The following FOXN2 variants were observed in gnomAD, a reference collection of about 807,000 sequenced individuals.
FOXN2 encodes forkhead box protein N2.
Under a neutral mutation model 41.2 loss-of-function variants are expected in FOXN2, and 19 were observed. The observed-to-expected ratio is 0.46, with a 90% CI of 0.32 to 0.68. FOXN2 has a LOEUF of 0.68. Among genes scored for constraint, FOXN2 ranks in the 30% least tolerant of loss-of-function variants. The pLI, the probability that FOXN2 is intolerant of heterozygous loss-of-function variation, is 0.03. For synonymous variants in FOXN2, 195 were observed against 176.8 expected (o/e 1.10, Z -0.82); for missense variants, 587 against 509.4 (o/e 1.15, Z -1.47).
intron 5 of FOXN2, among the ~76,000 whole-genome samples, chr2:48,366,645 C>T (rs1480589744): frequency 4.6e-5 from 7 of 152,138 alleles, no homozygotes; most frequent in African/African-American, 1.7e-4. Context: ...AAGTTGCTTA[C>T]TTGATGCTTT....
At chr2:48,338,105 A>G (rs1029252800) in intron 2 of FOXN2, among the ~76,000 whole-genome samples, 1 of 152,208 alleles carries the variant, frequency 6.6e-6, no homozygotes, top group Non-Finnish European at 1.5e-5. Flanking sequence ...TTGATACCCT[A>G]TACACTGTTA....
intron 5 of FOXN2, among the ~76,000 whole-genome samples, chr2:48,366,444 C>G (rs1276682476): frequency 2.0e-5 from 3 of 151,958 alleles, no homozygotes; most frequent in Admixed American, 1.3e-4. Flanking sequence ...AAAGTTCTCC[C>G]TGGCAGAGAG....
upstream of FOXN2, among the ~76,000 whole-genome samples, chr2:48,313,781 A>T (rs907165798): frequency 2.0e-5 from 3 of 152,188 alleles, no homozygotes; most frequent in African/African-American, 7.2e-5. Context: ...AGTTTCCATG[A>T]GTTAGATAGG....
intron 3 of FOXN2, among the ~76,000 whole-genome samples, chr2:48,349,107 T>C (rs150447026): frequency 1.6e-4 from 25 of 152,304 alleles, no homozygotes; most frequent in African/African-American, 6.0e-4. Flanking sequence ...AATGTACTCT[T>C]TAATGCCAGG....
Position 48,366,865 on chromosome 2 carries a change from CTTTAAA to C in FOXN2, c.703+4160_703+4165del, listed in dbSNP as rs1490370705. Among the ~76,000 whole-genome samples, 3 of 151,452 alleles carry C rather than the reference CTTTAAA, an allele frequency of 2.0e-5. No individual in the cohort carries two copies. In the South Asian group the frequency reaches 6.3e-4, roughly 32 times the overall value. ...TGGCACTGGGAGACCTGCTGAAGAA[CTTTAAA>C]TAGTGAAGTGACATCGTCAGTTTTA... On this transcript the variant is annotated intron_variant, in intron 5 of 6. Transcript: ENST00000340553.
intron 1 of FOXN2, among the ~76,000 whole-genome samples, chr2:48,322,759 GAT>G (rs1397000037): frequency 1.4e-5 from 2 of 147,540 alleles, no homozygotes; most frequent in Non-Finnish European, 3.0e-5. Context: ...TGATATATTT[GAT>G]ATATATAATA....
At chr2:48,374,315 A>T (rs953033852) in intron 6 of FOXN2, among the ~76,000 whole-genome samples, 5 of 152,256 alleles carry the variant, frequency 3.3e-5, no homozygotes, top group African/African-American at 7.2e-5. Context: ...CTTCGCTAGA[A>T]ATTCGGGAAA....
In FOXN2 at chr2:48,378,679, T is replaced by G. The variant is rs532465780; in HGVS notation, c.*3236T>G. 6.6e-6 allele frequency: 1 copy of G among 150,888 alleles called. No homozygotes were observed. The highest frequency in any genetic ancestry group is 6.6e-5 in the Admixed American group (1 of 15,136). 9.3% of individuals were successfully genotyped at this position (150,888 alleles called of 1,614,324 possible). The stretch of plus-strand genomic sequence containing the variant: ...CTGGTTTACATATATCTTACAGGTG[T>G]TTTTTTGTATTTTTTTTTTTTTTTA... On this transcript the variant is annotated 3_prime_UTR_variant, in exon 7 of 7. Transcript: ENST00000340553.
chr2:48,335,952 C>T (rs1331615907), intron 2 of FOXN2, among the ~76,000 whole-genome samples: 1 of 151,184 alleles, frequency 6.6e-6, no homozygotes, highest in Non-Finnish European at 1.5e-5. Context: ...GGCATGAACC[C>T]AGGGGGCAGA....
At chr2:48,315,362 G>A (rs1304857384) in intron 1 of FOXN2, among the ~76,000 whole-genome samples, 2 of 152,208 alleles carry the variant, frequency 1.3e-5, no homozygotes, top group African/African-American at 4.8e-5. Context: ...GAGGTGCCGG[G>A]GGCGGCCGGG....
chr2:48,335,538 C>T (rs931794878), intron 2 of FOXN2, among the ~76,000 whole-genome samples: 1 of 64,972 alleles, frequency 1.5e-5, no homozygotes, highest in Non-Finnish European at 3.8e-5. Flanking sequence ...AAAATAACAG[C>T]GTAGAATTCT....
intron 5 of FOXN2, 38 bp downstream of exon 5, chr2:48,362,745 C>G: frequency 6.5e-7 from 1 of 1,549,876 alleles, no homozygotes; most frequent in Non-Finnish European, 8.9e-7. Context: ...CACCACACAA[C>G]AATCTTTTGG....
In FOXN2 at chr2:48,362,695, C is replaced by T. The variant is rs138143881; in HGVS notation, c.691C>T (p.Arg231Ter). 4 of 1,613,432 alleles carry T rather than the reference C, an allele frequency of 2.5e-6. No individual in the cohort carries two copies. Among genetic ancestry groups the T allele is most frequent in the South Asian group, 2.2e-5 (2 of 91,068 alleles). The change falls in exon 5 of 7, where the codon CGA becomes TGA. Residue 231 changes from arginine (R) to a stop codon, truncating the protein, a stop_gained. Coordinates refer to ENST00000340553, the MANE Select transcript of FOXN2 (RefSeq NM_002158.4). LOFTEE classifies it high-confidence loss of function. The stretch of plus-strand genomic sequence containing the variant: ...CTCTGTAATCAAGCAGAACCAGGTG[C>T]GAAACCTCAAAGGTATGTGTGAATA... ...LSSVIKQNQV[R>*]NLKESDIDAA...
chr2:48,315,287 T>G (rs1046902672), intron 1 of FOXN2, among the ~76,000 whole-genome samples: 5 of 152,124 alleles, frequency 3.3e-5, no homozygotes, highest in Non-Finnish European at 5.9e-5. Flanking sequence ...GCGAGACATG[T>G]CGGGCTCGGA....
chr2:48,352,526 A>C (rs887664141), intron 3 of FOXN2, among the ~76,000 whole-genome samples: 3 of 152,096 alleles, frequency 2.0e-5, no homozygotes, highest in Non-Finnish European at 4.4e-5. Flanking sequence ...ATTAATTCCC[A>C]TGGCTTAATA....
chr2:48,319,797 T>TC (rs1362071690), intron 1 of FOXN2, among the ~76,000 whole-genome samples: 1 of 144,016 alleles, frequency 6.9e-6, no homozygotes, highest in Non-Finnish European at 1.5e-5. Flanking sequence ...TTTTTTTTTT[T>TC]TTTTTTTTTT....
chr2:48,315,399 G>A (rs1198108977), intron 1 of FOXN2, among the ~76,000 whole-genome samples: 1 of 152,156 alleles, frequency 6.6e-6, no homozygotes, highest in Non-Finnish European at 1.5e-5. Context: ...GGCGGGTCCC[G>A]GGTGTGTGTG....
At chr2:48,364,904 C>T (rs553524900) in intron 5 of FOXN2, among the ~76,000 whole-genome samples, 25 of 152,298 alleles carry the variant, frequency 1.6e-4, no homozygotes, top group African/African-American at 5.8e-4. Context: ...GTTTGTCATC[C>T]CTCAAATTAG....
intron 4 of FOXN2, among the ~76,000 whole-genome samples, chr2:48,362,127 A>G (rs1476478795): frequency 6.6e-6 from 1 of 152,194 alleles, no homozygotes; most frequent in Non-Finnish European, 1.5e-5. Flanking sequence ...GAACATCCAA[A>G]TAGTTGTGAT....
Sources: gnomAD v4.1 joint callset for allele counts (sites outside exome capture counted in the v4.1 genomes callset) on GRCh38, gnomAD v4.1.1 for gene constraint, MANE v1.5 for transcripts, NCBI Gene and HGNC (gene_info 2026-07-23, HGNC 2026-07-21) for gene names.